LOXL2: variants seen among roughly 807,000 people sequenced by gnomAD.
The protein encoded by LOXL2 is lysyl oxidase like 2.
In LOXL2, 70 loss-of-function variants were observed where a neutral mutation model predicts 93.0. The ratio of observed to expected loss-of-function variants is 0.75; its 90% confidence interval spans 0.62 to 0.92. LOXL2 has a LOEUF of 0.92. LOXL2 is among the 40% of genes least tolerant of loss of function. LOXL2 has a pLI of 0.00. For synonymous variants in LOXL2, 438 were observed against 413.2 expected (o/e 1.06, Z -0.73); for missense variants, 973 against 1,054.9 (o/e 0.92, Z 1.08).
chr8:23,338,418 G>A (rs1363229678), intron 4 of LOXL2, among the ~76,000 whole-genome samples: 1 of 152,098 alleles, frequency 6.6e-6, no homozygotes, highest in African/African-American at 2.4e-5. Context: ...GCAGCAGCGG[G>A]GTGGGGGGGC....
intron 10 of LOXL2, among the ~76,000 whole-genome samples, chr8:23,304,769 A>G (rs936379094): frequency 1.3e-5 from 2 of 152,066 alleles, no homozygotes; most frequent in African/African-American, 4.8e-5. Context: ...ATCCACTAAC[A>G]CTGCTGCTAC....
At chr8:23,358,066 T>A (rs1804227382) in intron 3 of LOXL2, among the ~76,000 whole-genome samples, 1 of 152,228 alleles carries the variant, frequency 6.6e-6, no homozygotes, top group Non-Finnish European at 1.5e-5. Flanking sequence ...TGGGGGCTAA[T>A]TATTGCTCAT....
chr8:23,316,768 C>T (rs1803407640), intron 9 of LOXL2, 181 bp downstream of exon 9: 2 of 604,664 alleles, frequency 3.3e-6, no homozygotes, highest in East Asian at 3.0e-5. Flanking sequence ...ACATCATAGA[C>T]AGCGATCTGT....
chr8:23,376,864 A>G (rs986507095), intron 1 of LOXL2, among the ~76,000 whole-genome samples: 8 of 152,022 alleles, frequency 5.3e-5, no homozygotes, highest in Non-Finnish European at 1.2e-4. Flanking sequence ...CAGTCTATCA[A>G]TTTTGTTGAT....
intron 7 of LOXL2, 145 bp from the exon 8 acceptor site, chr8:23,320,197 C>T: frequency 7.1e-6 from 6 of 842,830 alleles, no homozygotes; most frequent in East Asian, 2.7e-5. Flanking sequence ...CTTGGGAGCC[C>T]CCGGTGGCAG....
chr8:23,354,499 T>G (rs1804150535), intron 3 of LOXL2, among the ~76,000 whole-genome samples: 1 of 152,120 alleles, frequency 6.6e-6, no homozygotes, highest in Admixed American at 6.5e-5. Context: ...AGTCTGCACC[T>G]GGTTTCAAAG....
At chr8:23,377,251 T>C (rs1475187065) in intron 1 of LOXL2, among the ~76,000 whole-genome samples, 2 of 152,168 alleles carry the variant, frequency 1.3e-5, no homozygotes, top group Admixed American at 6.5e-5. Flanking sequence ...TGAGCAGTTT[T>C]GAGTGGGTTT....
Position 23,312,547 on chromosome 8 carries a change from A to G in LOXL2, c.1637-2636T>C, listed in dbSNP as rs912092140. 3.6e-5 allele frequency among the ~76,000 whole-genome samples: 5 copies of G among 137,480 alleles called. 1 individual carries two copies. Among genetic ancestry groups the G allele is most frequent in the African/African-American group, 1.5e-4 (5 of 34,322 alleles). 90.2% of individuals were successfully genotyped at this position (137,480 alleles called of 152,430 possible). A position where few individuals can be genotyped will look rare whatever the true frequency, so the allele number is the denominator to read the frequency against. On this transcript the variant is annotated intron_variant, in intron 9 of 13. Coordinates refer to ENST00000389131, the MANE Select transcript of LOXL2 (RefSeq NM_002318.3). ...CATATAAACAGAACCAAAGATGAAA[A>G]CCACATGATTATCTCAATAGATGCA...
intron 6 of LOXL2, among the ~76,000 whole-genome samples, chr8:23,324,372 T>G (rs2117162325): frequency 6.6e-6 from 1 of 152,244 alleles, no homozygotes; most frequent in East Asian, 1.9e-4. Context: ...ATACCCATGG[T>G]GCGTCCAAGG....
At chr8:23,357,362 G>A (rs576305278) in intron 3 of LOXL2, among the ~76,000 whole-genome samples, 64 of 152,280 alleles carry the variant, frequency 4.2e-4, no homozygotes, top group African/African-American at 1.5e-3. Flanking sequence ...GAGCCACTGC[G>A]CCCGGCCTTT....
rs184941519 is a variant in LOXL2 at position 23,379,325 on chromosome 8, G to A, written c.-83-10891C>T. ...TCGTCTCAGAGGGGTACCCAGCCGT[G>A]TGAGGTGTCAATCTGCCCCTACTGG... On this transcript the variant is annotated intron_variant, in intron 1 of 13. Transcript: ENST00000389131. Among the ~76,000 whole-genome samples the A allele has an allele frequency of 6.6e-5, 10 of 152,324 alleles. No homozygotes were observed. The East Asian group carries it at 1.4e-3, about 21-fold the overall frequency.
intron 4 of LOXL2, among the ~76,000 whole-genome samples, chr8:23,333,932 A>T (rs533211114): frequency 6.6e-6 from 1 of 152,252 alleles, no homozygotes; most frequent in Non-Finnish European, 1.5e-5. Flanking sequence ...AGGAACACAG[A>T]ATGCACAAAG....
intron 1 of LOXL2, among the ~76,000 whole-genome samples, chr8:23,392,763 T>A (rs2117237284): frequency 6.6e-6 from 1 of 152,192 alleles, no homozygotes; most frequent in Non-Finnish European, 1.5e-5. Context: ...ACATATCCAC[T>A]TCATGAACAC....
Position 23,309,875 on chromosome 8 carries a change from T to A in LOXL2, c.1673A>T (p.Gln558Leu). 6.4e-7 allele frequency: 1 copy of A among 1,569,436 alleles called. No individual in the cohort carries two copies. The highest frequency in any genetic ancestry group is 8.7e-7 in the Non-Finnish European group (1 of 1,155,112). The change falls in exon 10 of 14, where the codon CAG becomes CTG. Residue 558 changes from glutamine (Q) to leucine (L), a missense_variant. Gln to Leu is a moderately radical substitution (Grantham distance 113, BLOSUM62 -2). Transcript: ENST00000389131. ...PDLVLNAEMV[Q>L]QTTYLEDRPM... is the part of the protein sequence containing the mutation. ...CCGGTCCTCCAGGTAGGTGGTCTGCTGCACCATCTCCGCATTGAGGACCAG... is the reference window on the plus strand; with the variant it reads ...CCGGTCCTCCAGGTAGGTGGTCTGCAGCACCATCTCCGCATTGAGGACCAG...
chr8:23,354,318 G>A (rs930825783), intron 3 of LOXL2, among the ~76,000 whole-genome samples: 2 of 152,174 alleles, frequency 1.3e-5, no homozygotes, highest in South Asian at 2.1e-4. Context: ...GGGAAGGGAC[G>A]CGGGTGCCCT....
chr8:23,392,680 C>G (rs1433237266), intron 1 of LOXL2, among the ~76,000 whole-genome samples: 1 of 152,184 alleles, frequency 6.6e-6, no homozygotes, highest in Non-Finnish European at 1.5e-5. Context: ...CCATGCTGAC[C>G]TGTGCACATG....
chr8:23,396,216 G>A (rs1800087625), intron 1 of LOXL2, among the ~76,000 whole-genome samples: 1 of 152,064 alleles, frequency 6.6e-6, no homozygotes, highest in Non-Finnish European at 1.5e-5. Context: ...TACTCGGGAG[G>A]CTGAGGCAAG....
At chr8:23,367,233 G>C (rs1483123600) in intron 2 of LOXL2, among the ~76,000 whole-genome samples, 1 of 152,066 alleles carries the variant, frequency 6.6e-6, no homozygotes, top group Admixed American at 6.6e-5. Context: ...ATTTTTAGTA[G>C]AGATGGGGTT....
intron 10 of LOXL2, among the ~76,000 whole-genome samples, chr8:23,305,420 C>T (rs934040426): frequency 8.5e-5 from 13 of 152,188 alleles, no homozygotes; most frequent in Admixed American, 4.6e-4. Context: ...CTGGGCATCT[C>T]GCTTTGCCTC....
Sources: gnomAD v4.1 joint callset for allele counts (sites outside exome capture counted in the v4.1 genomes callset) on GRCh38, gnomAD v4.1.1 for gene constraint, MANE v1.5 for transcripts, NCBI Gene and HGNC (gene_info 2026-07-23, HGNC 2026-07-21) for gene names.